COL5A2: variants seen among roughly 807,000 people sequenced by gnomAD.
COL5A2 encodes the protein collagen alpha-2(V) chain.
A neutral mutation model predicts 208.2 loss-of-function variants in COL5A2; 23 were observed. The observed-to-expected ratio is 0.11, with a 90% CI of 0.08 to 0.16. COL5A2 has a LOEUF of 0.16. COL5A2 is among the 10% of genes least tolerant of loss of function. The pLI is 1.00. For synonymous variants in COL5A2, 625 were observed against 628.5 expected (o/e 0.99, Z 0.08); for missense variants, 1,590 against 1,956.4 (o/e 0.81, Z 3.53).
the COL5A2 span, among the ~76,000 whole-genome samples, chr2:189,383,920 C>T: frequency 2.0e-5 from 3 of 152,080 alleles, no homozygotes; most frequent in Non-Finnish European, 4.4e-5. Flanking sequence ...CCCCATTCAC[C>T]TTTCCTATCC....
chr2:189,340,175 T>A, the COL5A2 span, among the ~76,000 whole-genome samples: 1 of 152,154 alleles, frequency 6.6e-6, no homozygotes, highest in Non-Finnish European at 1.5e-5. Flanking sequence ...GGGTTCCCCT[T>A]GGCCACAAGT....
intron 1 of COL5A2, among the ~76,000 whole-genome samples, chr2:189,213,818 T>C (rs998052568): frequency 5.3e-5 from 8 of 152,170 alleles, no homozygotes; most frequent in African/African-American, 1.7e-4. Context: ...ATTTTCACAG[T>C]TCCTCTGCAG....
chr2:189,417,017 A>C, the COL5A2 span, among the ~76,000 whole-genome samples: 1 of 152,126 alleles, frequency 6.6e-6, no homozygotes, highest in Admixed American at 6.5e-5. Flanking sequence ...TTGCTACATA[A>C]AGGATTTTTA....
At chr2:189,273,042 A>G in the COL5A2 span, among the ~76,000 whole-genome samples, 1 of 152,182 alleles carries the variant, frequency 6.6e-6, no homozygotes, top group Non-Finnish European at 1.5e-5. Context: ...GGAAAGACAG[A>G]TTTCAAACTA....
chr2:189,243,446 T>A, the COL5A2 span, among the ~76,000 whole-genome samples: 3 of 152,228 alleles, frequency 2.0e-5, no homozygotes, highest in Admixed American at 1.3e-4. Context: ...AGGAAGAAGA[T>A]AGAGAGCTTG....
the COL5A2 span, among the ~76,000 whole-genome samples, chr2:189,366,684 A>G: frequency 1.3e-5 from 2 of 152,162 alleles, no homozygotes; most frequent in Non-Finnish European, 2.9e-5. Flanking sequence ...ATGGCCTGAA[A>G]ATTTCTCCTG....
At chr2:189,041,727 T>A (rs1685566599) in intron 49 of COL5A2, 34 bp from the exon 50 acceptor site, 1 of 1,500,226 alleles carries the variant, frequency 6.7e-7, no homozygotes, top group Admixed American at 1.7e-5. Flanking sequence ...TTAGATTCTA[T>A]GAAGGAAAAA....
chr2:189,176,448 A>T (rs948495933), intron 1 of COL5A2, among the ~76,000 whole-genome samples: 1 of 152,158 alleles, frequency 6.6e-6, no homozygotes, highest in East Asian at 1.9e-4. Flanking sequence ...GGTTTACAGT[A>T]TTTGGAAACA....
the COL5A2 span, among the ~76,000 whole-genome samples, chr2:189,337,187 CTT>C: frequency 2.3e-5 from 3 of 129,922 alleles, no homozygotes; most frequent in Admixed American, 7.4e-5. Context: ...TTTTTTTTTT[CTT>C]TTTTTTTTTT....
rs1440268271 is a variant in COL5A2, at chr2:189,085,790, G to T, written c.691-18C>A. ...GCACCACCCTACAGTTGAAAACAAA[G>T]TATATATACAAACCAAGGAAAAATA... is the stretch of plus-strand genomic sequence containing the variant. On this transcript the variant is annotated intron_variant, in intron 9 of 53. Transcript: ENST00000374866. 1.9e-5 allele frequency: 31 copies of T among 1,601,414 alleles called. No individual in the cohort carries two copies. The highest frequency in any genetic ancestry group is 2.5e-5 in the Non-Finnish European group (29 of 1,168,694).
chr2:189,262,026 A>G, the COL5A2 span, among the ~76,000 whole-genome samples: 1 of 152,180 alleles, frequency 6.6e-6, no homozygotes, highest in African/African-American at 2.4e-5. Context: ...TTTTATCAAT[A>G]TTACTTTCTA....
At chr2:189,260,731 C>T in the COL5A2 span, among the ~76,000 whole-genome samples, 4 of 152,172 alleles carry the variant, frequency 2.6e-5, no homozygotes, top group African/African-American at 9.6e-5. Flanking sequence ...AGGTGGTGAC[C>T]AGATGTTCTC....
At chr2:189,419,077 C>T in the COL5A2 span, among the ~76,000 whole-genome samples, 304 of 152,278 alleles carry the variant, frequency 2.0e-3, 1 homozygote, top group African/African-American at 6.2e-3. Context: ...TCTTGTTGAT[C>T]CTCAGGAAGA....
At chr2:189,311,217 T>G in the COL5A2 span, 6 of 1,294,530 alleles carry the variant, frequency 4.6e-6, no homozygotes, top group African/African-American at 4.4e-5. Flanking sequence ...CTGAACTTTT[T>G]ATTGGCCTCC....
the COL5A2 span, among the ~76,000 whole-genome samples, chr2:189,277,418 G>A: frequency 6.6e-6 from 1 of 152,052 alleles, no homozygotes; most frequent in Admixed American, 6.6e-5. Context: ...AAAACGCAAA[G>A]GCTGGGTTAA....
rs1433555150 is a variant in COL5A2 at position 189,179,750 on chromosome 2, A to T, written c.-146T>A. On this transcript the variant is annotated 5_prime_UTR_variant, in exon 1 of 54. Transcript: ENST00000374866. ...AACCCCCTTTTTCAGCACCAGCTCCAGCACAGTCTGCGAAAACTTTTTTCA... is the reference window on the plus strand; with the variant it reads ...AACCCCCTTTTTCAGCACCAGCTCCTGCACAGTCTGCGAAAACTTTTTTCA... 1.4e-6 allele frequency: 2 copies of T among 1,427,992 alleles called. No individual in the cohort carries two copies. Among genetic ancestry groups the T allele is most frequent in the African/African-American group, 2.9e-5 (2 of 69,772 alleles). The allele number at this position is 1,427,992 out of a possible 1,614,324, so 88.5% of individuals were successfully genotyped here.
upstream of COL5A2, among the ~76,000 whole-genome samples, chr2:189,184,567 C>T (rs1002533783): frequency 1.3e-5 from 2 of 152,108 alleles, no homozygotes; most frequent in Admixed American, 1.3e-4. Flanking sequence ...TGTTTTGTGG[C>T]CCCTTCCTCC....
chr2:189,037,748 A>G (rs1685472280), intron 51 of COL5A2, among the ~76,000 whole-genome samples: 1 of 152,202 alleles, frequency 6.6e-6, no homozygotes, highest in African/African-American at 2.4e-5. Flanking sequence ...AGAGATTCCA[A>G]AAGTATGACT....
At chr2:189,246,034 G>T in the COL5A2 span, among the ~76,000 whole-genome samples, 2 of 152,056 alleles carry the variant, frequency 1.3e-5, no homozygotes, top group African/African-American at 4.8e-5. Flanking sequence ...ATTTTACTTA[G>T]GCACCATTGC....
Sources: allele counts gnomAD v4.1 joint callset (sites outside exome capture counted in the v4.1 genomes callset), GRCh38; gene constraint gnomAD v4.1.1; transcripts MANE v1.5; gene names NCBI Gene and HGNC (gene_info 2026-07-23, HGNC 2026-07-21).